The following PARD3B variants were observed in gnomAD, a reference collection of about 807,000 sequenced individuals.
PARD3B encodes the protein partitioning defective 3 homolog B.
A neutral mutation model predicts 130.2 loss-of-function variants in PARD3B; 103 were observed. The ratio of observed to expected loss-of-function variants is 0.79; its 90% CI spans 0.67 to 0.93. The LOEUF (loss-of-function observed/expected upper bound fraction) is 0.93, where lower values mean the gene tolerates loss of function less well. Among genes scored for constraint, PARD3B ranks in the 40% least tolerant of loss-of-function variants. The pLI, the probability that PARD3B is intolerant of heterozygous loss-of-function variation, is 0.00. For missense variants in PARD3B, 1,609 were observed against 1,499.2 expected (o/e 1.07, Z -1.21); for synonymous variants, 583 against 553.2 (o/e 1.05, Z -0.76).
chr2:205,158,994 T>A lies in PARD3B; in HGVS notation c.1620+87T>A, dbSNP rs2034351264. 6.9e-7 allele frequency: 1 copy of A among 1,447,052 alleles called. No homozygotes were observed. Among genetic ancestry groups the A allele is most frequent in the Non-Finnish European group, 9.6e-7 (1 of 1,045,908 alleles). 89.6% of individuals were successfully genotyped at this position (1,447,052 alleles called of 1,614,324 possible). A position where few individuals can be genotyped will look rare whatever the true frequency, so the allele number is the denominator to read the frequency against. On this transcript the variant is annotated intron_variant, in intron 11 of 22. Coordinates refer to ENST00000406610, the MANE Select transcript of PARD3B (RefSeq NM_001302769.2). This position sits in a 1 kb window ranked among gnomAD's most constrained non-coding sequence, Gnocchi z 5.4. ...TTAGAGACTGAATGGAGAAAGTGTC[T>A]GAAGACTTGAGGCCACTGAGACTTT...
intron 2 of PARD3B, among the ~76,000 whole-genome samples, chr2:204,736,992 G>C (rs1392523954): frequency 6.6e-6 from 1 of 152,146 alleles, no homozygotes; most frequent in Non-Finnish European, 1.5e-5. Flanking sequence ...TTGTTGCCCA[G>C]GCTGGAGTGC....
intron 16 of PARD3B, among the ~76,000 whole-genome samples, chr2:205,272,801 C>T (rs1488280020): frequency 1.3e-5 from 2 of 152,266 alleles, no homozygotes; most frequent in East Asian, 3.9e-4. Context: ...AAAACTTAAC[C>T]TCAGATGCTT....
intron 2 of PARD3B, among the ~76,000 whole-genome samples, chr2:204,843,533 G>A (rs747361301): frequency 2.0e-5 from 3 of 151,960 alleles, no homozygotes; most frequent in Non-Finnish European, 4.4e-5. Context: ...GGGACTACAG[G>A]TTCACACCAT....
chr2:204,798,530 G>A (rs192358538), intron 2 of PARD3B, among the ~76,000 whole-genome samples: 4 of 152,288 alleles, frequency 2.6e-5, no homozygotes, highest in East Asian at 3.9e-4. Flanking sequence ...AATTGGAGGC[G>A]CAGGCCACCT....
chr2:204,798,224 G>T lies in PARD3B; in HGVS notation c.222+111942G>T, dbSNP rs113338599. Reference sequence around the variant, plus strand: ...GCAGCCGCTGCTTGGCACCAGGAGAGAATCTGTATGCTTGAGGGAGAGAGA... The same window carrying T: ...GCAGCCGCTGCTTGGCACCAGGAGATAATCTGTATGCTTGAGGGAGAGAGA... On this transcript the variant is annotated intron_variant, in intron 2 of 22. Coordinates refer to ENST00000406610, the MANE Select transcript of PARD3B (RefSeq NM_001302769.2). Among the ~76,000 whole-genome samples the T allele has an allele frequency of 2.0e-4, 31 of 152,274 alleles. 1 individual carries two copies. Among genetic ancestry groups the T allele is most frequent in the African/African-American group, 6.7e-4 (28 of 41,548 alleles).
intron 10 of PARD3B, among the ~76,000 whole-genome samples, chr2:205,138,643 A>C (rs1027282272): frequency 2.0e-5 from 3 of 152,170 alleles, no homozygotes; most frequent in African/African-American, 7.2e-5. Context: ...TTCCAAAATA[A>C]CCTCTAAGTT....
At chr2:205,406,459 A>T (rs1574942010) in intron 19 of PARD3B, among the ~76,000 whole-genome samples, 2 of 152,090 alleles carry the variant, frequency 1.3e-5, no homozygotes, top group East Asian at 3.8e-4. Context: ...GATTACATTT[A>T]GAAAGCATTA....
At chr2:205,054,334 A>G (rs1034222660) in intron 4 of PARD3B, among the ~76,000 whole-genome samples, 2 of 146,906 alleles carry the variant, frequency 1.4e-5, no homozygotes, top group African/African-American at 5.0e-5. Context: ...TCTAACACTG[A>G]AAAACTCTAA....
chr2:205,004,447 G>A (rs564204948), intron 3 of PARD3B, among the ~76,000 whole-genome samples: 63 of 152,174 alleles, frequency 4.1e-4, no homozygotes, highest in South Asian at 1.2e-3. Flanking sequence ...TTCAATTCAG[G>A]CCCTAAGCAT....
intron 20 of PARD3B, among the ~76,000 whole-genome samples, chr2:205,497,780 G>A (rs1041082541): frequency 5.3e-5 from 8 of 151,958 alleles, no homozygotes; most frequent in Admixed American, 2.0e-4. Flanking sequence ...TCACATACCC[G>A]TGAAACATAA....
At position 204,689,042 on chromosome 2, in the gene PARD3B, G is replaced by A. The variant is rs1574710976; in HGVS notation, c.222+2760G>A. ...GGCAGGAAAAACAGAAACTTAGAAA[G>A]CAGGGGAGGCTGGGCCATTTAGTGT... is the stretch of plus-strand genomic sequence containing the variant. On this transcript the variant is annotated intron_variant, in intron 2 of 22. Coordinates refer to ENST00000406610, the MANE Select transcript of PARD3B (RefSeq NM_001302769.2). The surrounding 1 kb of genome is among the most constrained non-coding windows in gnomAD (Gnocchi z 5.2). 6.6e-6 allele frequency among the ~76,000 whole-genome samples: 1 copy of A among 152,184 alleles called. No individual in the cohort carries two copies. Among genetic ancestry groups the A allele is most frequent in the East Asian group, 1.9e-4 (1 of 5,188 alleles).
chr2:205,196,080 T>C (rs1265326763), intron 15 of PARD3B, among the ~76,000 whole-genome samples: 3 of 152,128 alleles, frequency 2.0e-5, no homozygotes, highest in African/African-American at 7.2e-5. Context: ...AGACAGACAA[T>C]TCCAATTAAG....
chr2:205,557,434 C>T (rs1015731265), intron 22 of PARD3B, among the ~76,000 whole-genome samples: 6 of 152,176 alleles, frequency 3.9e-5, no homozygotes, highest in East Asian at 1.9e-4. Flanking sequence ...AGGCATTCAA[C>T]GTTAGCCCCT....
At chr2:204,998,504 G>GTATATAATATATGTATATATATGTGTA (rs1694533287) in intron 3 of PARD3B, among the ~76,000 whole-genome samples, 8 of 66,254 alleles carry the variant, frequency 1.2e-4, no homozygotes, top group Admixed American at 6.3e-4. Context: ...ATATATATGT[G>GTATATAATATATGTATATATATGTGTA]TATATATATA....
Position 204,622,477 on chromosome 2 carries a change from A to T in PARD3B, c.121-63704A>T, listed in dbSNP as rs1574566731. On this transcript the variant is annotated intron_variant, in intron 1 of 22. Transcript: ENST00000406610. ...AACTCTTTGAGATTAAAAAGAGCTC[A>T]CGTGTTTGAGCCTTTGTATGTTACT... Among the ~76,000 whole-genome samples the T allele has an allele frequency of 1.3e-5, 2 of 152,292 alleles. 1 individual carries two copies. The highest frequency in any genetic ancestry group is 4.8e-5 in the African/African-American group (2 of 41,582).
intron 22 of PARD3B, among the ~76,000 whole-genome samples, chr2:205,557,562 T>C (rs2052945979): frequency 6.6e-6 from 1 of 152,216 alleles, no homozygotes; most frequent in Admixed American, 6.5e-5. Context: ...GTTTCATCAC[T>C]TACCACCTGT....
chr2:204,643,825 T>C (rs1456006716), intron 1 of PARD3B, among the ~76,000 whole-genome samples: 2 of 152,182 alleles, frequency 1.3e-5, no homozygotes, highest in Non-Finnish European at 2.9e-5. Flanking sequence ...AAAAAGTTCA[T>C]ATATGCAGTG....
At chr2:204,591,533 A>T (rs989268810) in intron 1 of PARD3B, among the ~76,000 whole-genome samples, 1 of 152,196 alleles carries the variant, frequency 6.6e-6, no homozygotes, top group African/African-American at 2.4e-5. Flanking sequence ...GAAACCTTTT[A>T]TGCATTGTGT....
chr2:204,804,171 G>A (rs780802968), intron 2 of PARD3B, among the ~76,000 whole-genome samples: 8 of 152,148 alleles, frequency 5.3e-5, no homozygotes, highest in Non-Finnish European at 1.0e-4. Flanking sequence ...GGAGGTTGCA[G>A]TGAGCCAAAA....
Sources: allele counts gnomAD v4.1 joint callset (sites outside exome capture counted in the v4.1 genomes callset), GRCh38; gene constraint gnomAD v4.1.1; non-coding constraint Gnocchi (gnomAD v3.1); transcripts MANE v1.5; gene names NCBI Gene and HGNC (gene_info 2026-07-23, HGNC 2026-07-21).